XKR6: variants seen among roughly 807,000 people sequenced by gnomAD.
XKR6 encodes the protein XK-related protein 6.
XKR6 carries 22 observed loss-of-function variants against 56.7 expected under a neutral mutation model. The ratio of observed to expected loss-of-function variants is 0.39; its 90% CI spans 0.28 to 0.55. The LOEUF (loss-of-function observed/expected upper bound fraction) is 0.55. Ranked by LOEUF, XKR6 falls within the 20% of genes least tolerant of loss-of-function variation. The pLI is 0.66. For missense variants in XKR6, 852 were observed against 889.0 expected (o/e 0.96, Z 0.53); for synonymous variants, 524 against 387.8 (o/e 1.35, Z -4.13).
At position 11,005,684 on chromosome 8, in the gene XKR6, A is replaced by C. The variant is rs939568680; in HGVS notation, c.765-80854T>G. Among the ~76,000 whole-genome samples the C allele has an allele frequency of 4.5e-4, 68 of 152,310 alleles. 1 individual carries two copies. Among genetic ancestry groups the C allele is most frequent in the African/African-American group, 1.6e-3 (67 of 41,570 alleles). On this transcript the variant is annotated intron_variant, in intron 1 of 2. Transcript: ENST00000416569. Reference sequence around the variant, plus strand: ...ATCACATTGTAATCCCATTTTATATATGAATTTGCTAGCAAAAATATTATA... The same window carrying C: ...ATCACATTGTAATCCCATTTTATATCTGAATTTGCTAGCAAAAATATTATA...
At chr8:11,099,269 G>C (rs1798378501) in intron 1 of XKR6, among the ~76,000 whole-genome samples, 1 of 152,232 alleles carries the variant, frequency 6.6e-6, no homozygotes, top group South Asian at 2.1e-4. Context: ...AGGCTGTCCA[G>C]CTGACTTTTG....
chr8:11,192,951 G>A (rs1161846026), intron 1 of XKR6, among the ~76,000 whole-genome samples: 1 of 152,202 alleles, frequency 6.6e-6, no homozygotes, highest in African/African-American at 2.4e-5. Context: ...CATGGGTTTG[G>A]CATCTTCCTC....
chr8:11,066,296 T>C (rs1397738165), intron 1 of XKR6, among the ~76,000 whole-genome samples: 2 of 152,244 alleles, frequency 1.3e-5, no homozygotes, highest in African/African-American at 4.8e-5. Context: ...TTAGCCTTCA[T>C]TTCTGTCTGC....
intron 2 of XKR6, among the ~76,000 whole-genome samples, chr8:10,924,203 G>C (rs996314924): frequency 2.6e-5 from 4 of 152,252 alleles, no homozygotes; most frequent in African/African-American, 9.6e-5. Flanking sequence ...GAGCACCACA[G>C]TTTAAAGGGT....
At chr8:10,984,217 G>A (rs567591886) in intron 1 of XKR6, among the ~76,000 whole-genome samples, 9 of 152,184 alleles carry the variant, frequency 5.9e-5, no homozygotes, top group African/African-American at 1.7e-4. Flanking sequence ...TTATACAACC[G>A]TCTCCATAGC....
chr8:11,174,163 C>G (rs148617217), intron 1 of XKR6, among the ~76,000 whole-genome samples: 1 of 152,210 alleles, frequency 6.6e-6, no homozygotes, highest in Non-Finnish European at 1.5e-5. Flanking sequence ...AACAAAATGA[C>G]TACAGCTGCC....
intron 1 of XKR6, chr8:11,137,980 G>A (rs1800492875): frequency 3.2e-6 from 1 of 314,862 alleles, no homozygotes; most frequent in Non-Finnish European, 6.2e-6. Flanking sequence ...ATGCCCTGAT[G>A]AAGCCGTCAG....
intron 1 of XKR6, among the ~76,000 whole-genome samples, chr8:10,991,994 T>G (rs1035664836): frequency 1.3e-5 from 2 of 152,146 alleles, no homozygotes; most frequent in African/African-American, 4.8e-5. Flanking sequence ...TATATACAGG[T>G]GGCCAACAAC....
chr8:11,019,649 G>A (rs1388781983), intron 1 of XKR6, among the ~76,000 whole-genome samples: 3 of 152,192 alleles, frequency 2.0e-5, no homozygotes, highest in Non-Finnish European at 4.4e-5. Context: ...GTGGCAGCTG[G>A]CTCTGACCGC....
At position 10,984,732 on chromosome 8, in the gene XKR6, C is replaced by CTCTATATATATA; in HGVS notation, c.765-59903_765-59902insTATATATATAGA. Among the ~76,000 whole-genome samples the CTCTATATATATA allele has an allele frequency of 5.4e-3, 254 of 47,472 alleles. 2 individuals carry two copies. Among genetic ancestry groups the CTCTATATATATA allele is most frequent in the African/African-American group, 9.6e-3 (106 of 11,098 alleles). The allele number at this position is 47,472 out of a possible 152,430, so 31.1% of individuals were successfully genotyped here. On this transcript the variant is annotated intron_variant, in intron 1 of 2. Transcript: ENST00000416569. ...TCTCTCTCTCTCTCTCTCTCTCTCT[C>CTCTATATATATA]TATATATATATATATATATATATAT...
At chr8:11,156,717 T>A (rs1801537129) in intron 1 of XKR6, among the ~76,000 whole-genome samples, 1 of 152,178 alleles carries the variant, frequency 6.6e-6, no homozygotes. Context: ...ATATCTATTT[T>A]GGGGTGGGAA....
chr8:10,986,363 T>C (rs1426507220), intron 1 of XKR6, among the ~76,000 whole-genome samples: 2 of 152,240 alleles, frequency 1.3e-5, no homozygotes, highest in African/African-American at 2.4e-5. Context: ...TCTCATCATG[T>C]AGACAGCCTT....
At position 10,956,377 on chromosome 8, in the gene XKR6, G is replaced by A. The variant is rs1304759263; in HGVS notation, c.765-31547C>T. ...TGGCTTGCCAGGCGTCTATCCCTGG[G>A]CCCTGGAGACCCATCTGCAGGATCT... On this transcript the variant is annotated intron_variant, in intron 1 of 2. Coordinates refer to ENST00000416569, the MANE Select transcript of XKR6 (RefSeq NM_173683.4). Among the ~76,000 whole-genome samples the A allele has an allele frequency of 3.3e-5, 5 of 152,270 alleles. No homozygotes were observed. The South Asian group carries it at 1.0e-3, about 32-fold the overall frequency.
chr8:10,988,768 T>C (rs968115192), intron 1 of XKR6, among the ~76,000 whole-genome samples: 2 of 152,196 alleles, frequency 1.3e-5, no homozygotes, highest in African/African-American at 4.8e-5. Context: ...ATGGTCCCAA[T>C]TTGTCACAGA....
At chr8:11,160,412 T>C (rs1260542381) in intron 1 of XKR6, among the ~76,000 whole-genome samples, 1 of 150,198 alleles carries the variant, frequency 6.7e-6, no homozygotes, top group Admixed American at 6.6e-5. Flanking sequence ...GGAATAATGA[T>C]GGGGAATCCT....
At chr8:11,043,342 C>T (rs1454042627) in intron 1 of XKR6, among the ~76,000 whole-genome samples, 6 of 152,082 alleles carry the variant, frequency 3.9e-5, no homozygotes, top group African/African-American at 9.7e-5. Context: ...TGGAGCTAAG[C>T]GGCTGGATGG....
intron 1 of XKR6, among the ~76,000 whole-genome samples, chr8:10,951,962 C>T (rs1423595659): frequency 6.6e-6 from 1 of 152,156 alleles, no homozygotes; most frequent in Non-Finnish European, 1.5e-5. Context: ...AGCCCCCTGC[C>T]CTCCTCTAGC....
At chr8:11,121,511 C>T (rs980348078) in intron 1 of XKR6, among the ~76,000 whole-genome samples, 3 of 152,090 alleles carry the variant, frequency 2.0e-5, no homozygotes, top group Non-Finnish European at 4.4e-5. Context: ...GTTAGAATGG[C>T]GATCATTAAA....
intron 1 of XKR6, among the ~76,000 whole-genome samples, chr8:11,119,017 C>T (rs1411354350): frequency 6.6e-6 from 1 of 151,928 alleles, no homozygotes; most frequent in Non-Finnish European, 1.5e-5. Flanking sequence ...TGTCTTTGTT[C>T]TCGTTGGTTT....
Sources: allele counts gnomAD v4.1 joint callset (sites outside exome capture counted in the v4.1 genomes callset), GRCh38; gene constraint gnomAD v4.1.1; transcripts MANE v1.5; gene names NCBI Gene and HGNC (gene_info 2026-07-23, HGNC 2026-07-21).